MYO3B: variants seen among roughly 807,000 people sequenced by gnomAD.
MYO3B encodes myosin IIIB.
Under a neutral mutation model 174.6 loss-of-function variants are expected in MYO3B, and 156 were observed. The observed-to-expected ratio is 0.89, with a 90% confidence interval of 0.78 to 1.02. The LOEUF is 1.02. MYO3B is among the 50% of genes least tolerant of loss of function. The pLI is 0.00. For synonymous variants in MYO3B, 563 were observed against 569.1 expected, an observed-to-expected ratio of 0.99 and a Z score of 0.15; for missense variants, 1,632 against 1,639.4, an observed-to-expected ratio of 1.00 and a Z score of 0.08.
chr2:170,526,596 G>T (rs950385556), intron 30 of MYO3B, among the ~76,000 whole-genome samples: 2 of 152,136 alleles, frequency 1.3e-5, no homozygotes, highest in African/African-American at 4.8e-5. Context: ...TACCAACATT[G>T]CCAGCATGAC....
At chr2:170,533,094 T>C (rs1176774941) in intron 30 of MYO3B, among the ~76,000 whole-genome samples, 1 of 152,176 alleles carries the variant, frequency 6.6e-6, no homozygotes, top group Admixed American at 6.5e-5. Context: ...CTCTTTAGAC[T>C]CCTGATCTTT....
chr2:170,523,338 C>G (rs11891544), intron 30 of MYO3B, among the ~76,000 whole-genome samples: 5,263 of 152,244 alleles, frequency 0.035, 254 homozygotes, highest in African/African-American at 0.1. Flanking sequence ...ACTTACCAAA[C>G]AGTGGGCCAG....
intron 8 of MYO3B, 93 bp from the exon 9 acceptor site, chr2:170,369,129 A>C: frequency 8.6e-7 from 1 of 1,162,632 alleles, no homozygotes; most frequent in Non-Finnish European, 1.2e-6. Flanking sequence ...GGTTTTATAA[A>C]TGAGCTTTTA....
intron 7 of MYO3B, among the ~76,000 whole-genome samples, chr2:170,294,842 A>C (rs2093618872): frequency 6.6e-6 from 1 of 152,066 alleles, no homozygotes; most frequent in African/African-American, 2.4e-5. Flanking sequence ...CTCTGGTGGA[A>C]GATATTGAGA....
At chr2:170,618,620 C>T (rs1167967718) in intron 32 of MYO3B, among the ~76,000 whole-genome samples, 1 of 152,114 alleles carries the variant, frequency 6.6e-6, no homozygotes, top group African/African-American at 2.4e-5. Flanking sequence ...AATAGACACA[C>T]ACAAGATAGT....
chr2:170,596,755 A>G (rs913481627), intron 32 of MYO3B, among the ~76,000 whole-genome samples: 6 of 152,310 alleles, frequency 3.9e-5, no homozygotes, highest in East Asian at 1.9e-4. Context: ...TGCATTTTGT[A>G]GAAAGCAACC....
At chr2:170,652,510 C>A (rs562531031) in intron 34 of MYO3B, among the ~76,000 whole-genome samples, 2 of 152,226 alleles carry the variant, frequency 1.3e-5, no homozygotes, top group South Asian at 4.2e-4. Context: ...ATTATCCTAC[C>A]CCTGGGCCTT....
intron 32 of MYO3B, among the ~76,000 whole-genome samples, chr2:170,580,611 C>T (rs1693069796): frequency 6.6e-6 from 1 of 152,000 alleles, no homozygotes; most frequent in African/African-American, 2.4e-5. Flanking sequence ...GCACTCCAGC[C>T]AGGGTGACAG....
intron 30 of MYO3B, among the ~76,000 whole-genome samples, chr2:170,524,334 C>CA (rs1688868619): frequency 6.6e-6 from 1 of 152,188 alleles, no homozygotes; most frequent in African/African-American, 2.4e-5. Flanking sequence ...ACCTGCCCCC[C>CA]ATCAGCTAGT....
chr2:170,367,130 T>C (rs1413984006), intron 8 of MYO3B, among the ~76,000 whole-genome samples: 1 of 152,240 alleles, frequency 6.6e-6, no homozygotes, highest in African/African-American at 2.4e-5. Context: ...TAATTTGAAG[T>C]GTTGCCACTA....
intron 7 of MYO3B, among the ~76,000 whole-genome samples, chr2:170,276,765 G>A (rs1314730826): frequency 6.6e-6 from 1 of 152,070 alleles, no homozygotes; most frequent in Non-Finnish European, 1.5e-5. Context: ...TTTTGTAGCA[G>A]CAATTTCCAA....
chr2:170,197,593 T>C (rs2092614667), intron 1 of MYO3B, among the ~76,000 whole-genome samples: 1 of 152,184 alleles, frequency 6.6e-6, no homozygotes, highest in Non-Finnish European at 1.5e-5. Flanking sequence ...AAGTTTCCAT[T>C]TTAGTGTTGT....
chr2:170,290,158 A>G (rs544954434), intron 7 of MYO3B, among the ~76,000 whole-genome samples: 1 of 152,080 alleles, frequency 6.6e-6, no homozygotes, highest in South Asian at 2.1e-4. Context: ...CTGTGTGCTG[A>G]TAAAAAGAAT....
At chr2:170,273,807 A>G (rs988493681) in intron 7 of MYO3B, among the ~76,000 whole-genome samples, 1 of 152,084 alleles carries the variant, frequency 6.6e-6, no homozygotes, top group Non-Finnish European at 1.5e-5. Context: ...CAATTGCTTT[A>G]TTCCTGGAAT....
intron 7 of MYO3B, among the ~76,000 whole-genome samples, chr2:170,254,062 AGGAAGCTG>A (rs1475665947): frequency 1.3e-5 from 2 of 152,090 alleles, no homozygotes; most frequent in African/African-American, 4.8e-5. Context: ...TTGAAGAGGG[AGGAAGCTG>A]GGAAGCCCAC....
chr2:170,515,045 A>G, intron 29 of MYO3B, 23 bp downstream of exon 29: 1 of 1,602,686 alleles, frequency 6.2e-7, no homozygotes, highest in Non-Finnish European at 8.5e-7. Flanking sequence ...GAGATTTAGA[A>G]TGAGTGTTCT....
At chr2:170,365,379 C>CTCTT (rs2094190946) in intron 8 of MYO3B, among the ~76,000 whole-genome samples, 1 of 152,184 alleles carries the variant, frequency 6.6e-6, no homozygotes, top group African/African-American at 2.4e-5. Flanking sequence ...TCTTGTGCTT[C>CTCTT]TCTTGTCCTT....
In MYO3B at chr2:170,450,184, T is replaced by C. The variant is rs370944272; in HGVS notation, c.2730+6138T>C. 7.7e-4 allele frequency among the ~76,000 whole-genome samples: 117 copies of C among 152,344 alleles called. No individual in the cohort carries two copies. In the South Asian group the frequency reaches 0.023, roughly 30 times the overall value. On this transcript the variant is annotated intron_variant, in intron 23 of 34. Transcript: ENST00000408978. ...TTTGGAACACATACAAATAACATATTTATAAAAATACAGTCCAAAGAAAGC... is the reference window on the plus strand; with the variant it reads ...TTTGGAACACATACAAATAACATATCTATAAAAATACAGTCCAAAGAAAGC...
At chr2:170,395,024 T>G (rs2094435834) in intron 16 of MYO3B, among the ~76,000 whole-genome samples, 1 of 152,346 alleles carries the variant, frequency 6.6e-6, no homozygotes, top group African/African-American at 2.4e-5. Flanking sequence ...AGGAATCCCT[T>G]TAGTTTTTCT....
Sources: gnomAD v4.1 joint callset for allele counts (sites outside exome capture counted in the v4.1 genomes callset) on GRCh38, gnomAD v4.1.1 for gene constraint, MANE v1.5 for transcripts, NCBI Gene and HGNC (gene_info 2026-07-23, HGNC 2026-07-21) for gene names.